The following NTM variants were observed in gnomAD, a reference collection of about 807,000 sequenced individuals.
NTM encodes the protein IgLON family member 2.
NTM carries 13 observed loss-of-function variants against 42.1 expected under a neutral mutation model. The observed-to-expected ratio is 0.31, with a 90% CI of 0.20 to 0.49. The LOEUF is 0.49. Ranked by LOEUF, NTM falls within the 20% of genes least tolerant of loss-of-function variation. NTM has a pLI of 0.99. For synonymous variants in NTM, 187 were observed against 179.2 expected, an observed-to-expected ratio of 1.04 and a Z score of -0.35; for missense variants, 373 against 452.8, an observed-to-expected ratio of 0.82 and a Z score of 1.60.
chr11:131,974,491 C>T (rs756888139), intron 2 of NTM, among the ~76,000 whole-genome samples: 7 of 152,174 alleles, frequency 4.6e-5, no homozygotes, highest in Non-Finnish European at 5.9e-5. Context: ...TACCTCTTTG[C>T]TCTCATGTTA....
At chr11:131,598,667 A>G (rs10894418) in intron 1 of NTM, among the ~76,000 whole-genome samples, 24,829 of 87,612 alleles carry the variant, frequency 0.28, 5,597 homozygotes, top group East Asian at 0.53. Context: ...GAGAACTACT[A>G]CTCTCTTCTC....
intron 1 of NTM, among the ~76,000 whole-genome samples, chr11:131,831,911 C>T (rs981946851): frequency 1.3e-4 from 20 of 148,384 alleles, no homozygotes; most frequent in African/African-American, 4.9e-4. Flanking sequence ...AATTAATTCT[C>T]CCAACATTAA....
intron 1 of NTM, among the ~76,000 whole-genome samples, chr11:131,679,992 G>C (rs2072153934): frequency 6.6e-6 from 1 of 152,208 alleles, no homozygotes. Context: ...GAAGCGCCTT[G>C]AGAAAGAATG....
intron 1 of NTM, among the ~76,000 whole-genome samples, chr11:131,623,457 A>G (rs757083150): frequency 5.3e-5 from 8 of 152,242 alleles, no homozygotes; most frequent in Non-Finnish European, 1.0e-4. Context: ...CATGCTGTCC[A>G]CCGAATTCCA....
At chr11:132,164,693 G>C (rs998729566) in intron 3 of NTM, among the ~76,000 whole-genome samples, 3 of 152,100 alleles carry the variant, frequency 2.0e-5, no homozygotes, top group Admixed American at 1.3e-4. Flanking sequence ...GACACTTGCT[G>C]TTCTTCCACA....
intron 1 of NTM, among the ~76,000 whole-genome samples, chr11:131,707,427 A>G (rs564104205): frequency 5.9e-5 from 9 of 152,156 alleles, no homozygotes; most frequent in African/African-American, 2.2e-4. Context: ...CTGTATCTTG[A>G]TTACTATGAA....
intron 2 of NTM, among the ~76,000 whole-genome samples, chr11:132,094,637 G>A (rs2060747977): frequency 6.6e-6 from 1 of 152,170 alleles, no homozygotes; most frequent in Admixed American, 6.5e-5. Context: ...TGGTCCCCAG[G>A]TGTTGGTAAA....
chr11:131,478,416 G>A (rs866552049), intron 1 of NTM, among the ~76,000 whole-genome samples: 13 of 152,142 alleles, frequency 8.5e-5, no homozygotes, highest in African/African-American at 1.4e-4. Context: ...GGTACCATGC[G>A]CATATTTCTG....
intron 2 of NTM, among the ~76,000 whole-genome samples, chr11:132,129,581 A>G (rs1161585541): frequency 2.0e-5 from 3 of 152,216 alleles, no homozygotes; most frequent in Non-Finnish European, 4.4e-5. Context: ...GCCTACCTAG[A>G]AGTAAGGTTA....
At chr11:132,215,078 T>C (rs1423480019) in intron 4 of NTM, among the ~76,000 whole-genome samples, 1 of 152,230 alleles carries the variant, frequency 6.6e-6, no homozygotes. Context: ...CCAGTAGTAT[T>C]TCCTAAAGGA....
intron 2 of NTM, among the ~76,000 whole-genome samples, chr11:132,011,405 C>T (rs1253147770): frequency 6.6e-6 from 1 of 152,144 alleles, no homozygotes; most frequent in Non-Finnish European, 1.5e-5. Flanking sequence ...AAATGGAAAA[C>T]AGATAATGGC....
chr11:131,451,771 C>A (rs1950507709), intron 1 of NTM, among the ~76,000 whole-genome samples: 1 of 151,978 alleles, frequency 6.6e-6, no homozygotes, highest in African/African-American at 2.4e-5. Context: ...ACCCTGGGGT[C>A]CCCCAGGGCT....
chr11:132,144,256 A>G (rs1322079321), intron 2 of NTM, among the ~76,000 whole-genome samples: 1 of 152,196 alleles, frequency 6.6e-6, no homozygotes, highest in Non-Finnish European at 1.5e-5. Flanking sequence ...CTTTGGCATT[A>G]CCTGGGAGCT....
chr11:132,299,704 C>G (rs1306708846), intron 4 of NTM, among the ~76,000 whole-genome samples: 1 of 152,150 alleles, frequency 6.6e-6, no homozygotes, highest in Non-Finnish European at 1.5e-5. Context: ...GAGTTGGGCT[C>G]TATGTTTGTT....
intron 1 of NTM, chr11:131,537,257 G>C (rs139839853): frequency 1.3e-5 from 2 of 151,920 alleles, no homozygotes; most frequent in African/African-American, 4.8e-5. Context: ...AAGGAAATGA[G>C]TGAATTTGAG....
intron 1 of NTM, among the ~76,000 whole-genome samples, chr11:131,383,727 G>T (rs925999444): frequency 2.7e-4 from 41 of 152,326 alleles, no homozygotes; most frequent in African/African-American, 9.9e-4. Context: ...GCATTGAAGC[G>T]TTGTATGCCT....
At chr11:131,896,151 A>G (rs971857494) in intron 1 of NTM, among the ~76,000 whole-genome samples, 5 of 152,186 alleles carry the variant, frequency 3.3e-5, no homozygotes, top group African/African-American at 9.6e-5. Flanking sequence ...TCTGCATGTG[A>G]AATGCCGTAC....
intron 1 of NTM, among the ~76,000 whole-genome samples, chr11:131,849,833 C>T (rs1355647654): frequency 2.2e-4 from 18 of 82,488 alleles, no homozygotes; most frequent in Non-Finnish European, 1.2e-4. Flanking sequence ...GGGTGGGGGG[C>T]GGGGGGAGGG....
At chr11:131,674,109 A>C (rs2070917805) in intron 1 of NTM, among the ~76,000 whole-genome samples, 1 of 152,262 alleles carries the variant, frequency 6.6e-6, no homozygotes, top group African/African-American at 2.4e-5. Flanking sequence ...GCAGGTAGGC[A>C]GGAGGAAGGG....
Sources: allele counts gnomAD v4.1 joint callset (sites outside exome capture counted in the v4.1 genomes callset), GRCh38; gene constraint gnomAD v4.1.1; transcripts MANE v1.5; gene names NCBI Gene and HGNC (gene_info 2026-07-23, HGNC 2026-07-21).